The following WDR35 variants were observed in gnomAD, a reference collection of about 807,000 sequenced individuals.
WDR35 encodes WD repeat-containing protein 35.
A neutral mutation model predicts 158.3 loss-of-function variants in WDR35; 118 were observed. The observed-to-expected ratio is 0.75, with a 90% CI of 0.64 to 0.87. The LOEUF (loss-of-function observed/expected upper bound fraction) is 0.87. WDR35 is among the 40% of genes least tolerant of loss of function. The probability of loss-of-function intolerance (pLI) is 0.00; values close to 1 mark genes in which losing one functional copy is unlikely to be tolerated. For missense variants in WDR35, 1,263 were observed against 1,405.8 expected, an observed-to-expected ratio of 0.90 and a Z score of 1.62; for synonymous variants, 448 against 476.1, an observed-to-expected ratio of 0.94 and a Z score of 0.77.
chr2:19,917,487 A>C (rs1670025827), intron 25 of WDR35, among the ~76,000 whole-genome samples: 1 of 152,224 alleles, frequency 6.6e-6, no homozygotes, highest in Non-Finnish European at 1.5e-5. Context: ...AAGGAAGCTA[A>C]GAACCTTGAA....
chr2:19,978,325 C>G (rs17695872), intron 5 of WDR35, among the ~76,000 whole-genome samples: 27,418 of 151,958 alleles, frequency 0.18, 2,891 homozygotes, highest in Non-Finnish European at 0.23. Flanking sequence ...CCAGTTTTAT[C>G]TATTACTAGA....
rs1215848163 is a variant in WDR35, at chr2:19,987,710, G to A, written c.142+1455C>T. Among the ~76,000 whole-genome samples the A allele has an allele frequency of 2.0e-5, 3 of 151,114 alleles. No individual in the cohort carries two copies. In the South Asian group the frequency reaches 6.3e-4, roughly 32 times the overall value. ...ATGGTGGTGGGCACCTGTAGTCCCAGCTACTTGGGAGGCTGAGGTAGGAGA... is the reference window on the plus strand; with the variant it reads ...ATGGTGGTGGGCACCTGTAGTCCCAACTACTTGGGAGGCTGAGGTAGGAGA... On this transcript the variant is annotated intron_variant, in intron 2 of 26. Coordinates refer to ENST00000281405, the MANE Select transcript of WDR35 (RefSeq NM_020779.4).
At chr2:19,938,176 C>T in intron 18 of WDR35, 89 bp downstream of exon 18, 1 of 1,548,848 alleles carries the variant, frequency 6.5e-7, no homozygotes, top group Admixed American at 1.7e-5. Context: ...CTGCTCCCAT[C>T]AGGAGGATAG....
Position 19,937,891 on chromosome 2 carries a change from C to T in WDR35, c.2119G>A (p.Ala707Thr). 1 of 1,614,158 alleles carries T rather than the reference C, an allele frequency of 6.2e-7. No homozygotes were observed. The change falls in exon 19 of 27, where the codon GCA (alanine) becomes ACA (threonine). Residue 707 changes from alanine (A) to threonine (T), a missense_variant. Coordinates refer to ENST00000281405, the MANE Select transcript of WDR35 (RefSeq NM_020779.4). ...TGGTAATCTTTGCAGCGCACAAATG[C>T]TTGCTCTGCAGTGTATAGATCCAGT... ...QKLDLYTAEQ[A>T]FVRCKDYQGI...
chr2:19,920,834 T>C (rs1670145699), intron 25 of WDR35, among the ~76,000 whole-genome samples: 1 of 152,174 alleles, frequency 6.6e-6, no homozygotes, highest in South Asian at 2.1e-4. Context: ...GAAAACTCCA[T>C]CATCTCAGCC....
chr2:19,939,869 C>A (rs1199767036), intron 17 of WDR35, among the ~76,000 whole-genome samples: 5 of 151,876 alleles, frequency 3.3e-5, no homozygotes, highest in African/African-American at 1.2e-4. Context: ...ATTCAAGAAG[C>A]TCACTCTTTA....
chr2:19,954,961 A>G (rs2103427998), intron 11 of WDR35, among the ~76,000 whole-genome samples: 1 of 152,248 alleles, frequency 6.6e-6, no homozygotes, highest in Middle Eastern at 3.4e-3. Context: ...CCCACTACCA[A>G]TTACTACCTG....
chr2:19,985,169 A>C (rs1672513940), intron 2 of WDR35, among the ~76,000 whole-genome samples: 1 of 152,156 alleles, frequency 6.6e-6, no homozygotes. Context: ...TCTCTGATGC[A>C]AATGTTGGCT....
Position 19,911,691 on chromosome 2 carries a change from T to C in WDR35, c.*1867A>G, listed in dbSNP as rs952251799. Reference sequence around the variant, plus strand: ...TAGAGCGTGTATGTGTGACCACAGATAGAAAGGAGCAAGAGATACCAAATA... The same window carrying C: ...TAGAGCGTGTATGTGTGACCACAGACAGAAAGGAGCAAGAGATACCAAATA... On this transcript the variant is annotated 3_prime_UTR_variant, in exon 27 of 27. Coordinates refer to ENST00000281405, the MANE Select transcript of WDR35 (RefSeq NM_020779.4). The C allele has an allele frequency of 3.3e-5, 5 of 152,246 alleles. No individual in the cohort carries two copies. Among genetic ancestry groups the C allele is most frequent in the East Asian group, 3.9e-4 (2 of 5,180 alleles). The allele number at this position is 152,246 out of a possible 1,614,324, so 9.4% of individuals were successfully genotyped here. A position where few individuals can be genotyped will look rare whatever the true frequency, so the allele number is the denominator to read the frequency against.
intron 25 of WDR35, among the ~76,000 whole-genome samples, chr2:19,921,045 G>A (rs1670150499): frequency 6.6e-6 from 1 of 152,154 alleles, no homozygotes; most frequent in African/African-American, 2.4e-5. Context: ...ACCTCTTCAA[G>A]GAGAACTACA....
intron 8 of WDR35, among the ~76,000 whole-genome samples, chr2:19,970,122 C>G (rs999231527): frequency 8.5e-5 from 13 of 152,132 alleles, no homozygotes; most frequent in African/African-American, 3.1e-4. Flanking sequence ...AATTCAATAG[C>G]AAATTTCATC....
chr2:19,924,670 A>T (rs1670302293), intron 25 of WDR35, among the ~76,000 whole-genome samples: 1 of 152,302 alleles, frequency 6.6e-6, no homozygotes, highest in African/African-American at 2.4e-5. Flanking sequence ...GACCTATCAG[A>T]GGGAAAGCAC....
rs367850963 is a variant in WDR35, at chr2:19,980,679, A to T, written c.307+12T>A. The stretch of plus-strand genomic sequence containing the variant: ...TGTGAAAAATTAAATAATCTCTCCT[A>T]GTAAAGTATACCTTTATATAACATC... On this transcript the variant is annotated intron_variant, in intron 4 of 26. Coordinates refer to ENST00000281405, the MANE Select transcript of WDR35 (RefSeq NM_020779.4). The T allele has an allele frequency of 3.7e-6, 6 of 1,605,932 alleles. No individual in the cohort carries two copies. In the African/African-American group the frequency reaches 6.7e-5, roughly 18 times the overall value.
intron 11 of WDR35, among the ~76,000 whole-genome samples, chr2:19,957,766 T>C (rs1442558530): frequency 3.9e-5 from 6 of 152,182 alleles, no homozygotes; most frequent in African/African-American, 1.4e-4. Flanking sequence ...TTGGCCAGGC[T>C]GGTCTTGAAC....
intron 25 of WDR35, among the ~76,000 whole-genome samples, chr2:19,920,491 C>G (rs555256923): frequency 1.3e-5 from 2 of 152,340 alleles, no homozygotes; most frequent in East Asian, 3.9e-4. Flanking sequence ...ACATGATTAT[C>G]TCAATAGATG....
chr2:19,945,679 T>C (rs1453596082), intron 16 of WDR35, 107 bp downstream of exon 16: 1 of 1,202,538 alleles, frequency 8.3e-7, no homozygotes. Context: ...GCAGCCGTGT[T>C]GGCACTGCTA....
intron 4 of WDR35, among the ~76,000 whole-genome samples, chr2:19,980,274 G>A (rs1672342377): frequency 6.6e-6 from 1 of 151,940 alleles, no homozygotes; most frequent in Admixed American, 6.6e-5. Flanking sequence ...TGAACAAACA[G>A]TCATTTCCCC....
In WDR35 at chr2:19,912,288, G is replaced by A. The variant is rs568999408; in HGVS notation, c.*1270C>T. 2 of 152,138 alleles carry A rather than the reference G, an allele frequency of 1.3e-5. No individual in the cohort carries two copies. The highest frequency in any genetic ancestry group is 2.4e-5 in the African/African-American group (1 of 41,430). The allele number at this position is 152,138 out of a possible 1,614,324, so 9.4% of individuals were successfully genotyped here. A position where few individuals can be genotyped will look rare whatever the true frequency, so the allele number is the denominator to read the frequency against. ...TTCCATGACCTCTGGAATAGCTTGC[G>A]AGGCAGTCTATTTAGAGGCTACCAT... On this transcript the variant is annotated 3_prime_UTR_variant, in exon 27 of 27. Transcript: ENST00000281405.
In WDR35 at chr2:19,933,510, T is replaced by C; in HGVS notation, c.2549A>G (p.Glu850Gly). 1 of 1,612,296 alleles carries C rather than the reference T, an allele frequency of 6.2e-7. No individual in the cohort carries two copies. Among genetic ancestry groups the C allele is most frequent in the Non-Finnish European group, 8.5e-7 (1 of 1,178,800 alleles). ...AACTCTGACAAACATTTGTGCTATTTCCTGTACAAACAAAACAATACTATC... is the reference window on the plus strand; with the variant it reads ...AACTCTGACAAACATTTGTGCTATTCCCTGTACAAACAAAACAATACTATC... ...SLPENHKLLP[E>G]IAQMFVRVGM... The change falls in exon 22 of 27, where the codon GAA (glutamate) becomes GGA (glycine). Residue 850 changes from glutamate (E) to glycine (G), a missense_variant and splice_region_variant. Physicochemically the swap from Glu to Gly is moderately conservative, Grantham distance 98. Transcript: ENST00000281405.
Sources: allele counts gnomAD v4.1 joint callset (sites outside exome capture counted in the v4.1 genomes callset), GRCh38; gene constraint gnomAD v4.1.1; transcripts MANE v1.5; gene names NCBI Gene and HGNC (gene_info 2026-07-23, HGNC 2026-07-21).